The following LIMK1 variants were observed in gnomAD, a reference collection of about 807,000 sequenced individuals.
LIMK1 encodes the protein LIM domain kinase 1.
LIMK1 carries 21 observed loss-of-function variants against 77.6 expected under a neutral mutation model. The ratio of observed to expected loss-of-function variants is 0.27; its 90% CI spans 0.19 to 0.39. The LOEUF (loss-of-function observed/expected upper bound fraction) is 0.39. Ranked by LOEUF, LIMK1 falls within the 10% of genes least tolerant of loss-of-function variation. The probability of loss-of-function intolerance (pLI) is 1.00; values close to 1 mark genes in which losing one functional copy is unlikely to be tolerated. For missense variants in LIMK1, 696 were observed against 901.6 expected, an observed-to-expected ratio of 0.77 and a Z score of 2.92; for synonymous variants, 358 against 370.0, an observed-to-expected ratio of 0.97 and a Z score of 0.37.
At chr7:74,105,604 G>C (rs1799551215) in intron 5 of LIMK1, among the ~76,000 whole-genome samples, 1 of 152,056 alleles carries the variant, frequency 6.6e-6, no homozygotes, top group Non-Finnish European at 1.5e-5. Flanking sequence ...ATGGTCCATT[G>C]AATGGGAACA....
intron 2 of LIMK1, among the ~76,000 whole-genome samples, chr7:74,090,637 C>T (rs781818789): frequency 7.9e-5 from 12 of 152,284 alleles, no homozygotes; most frequent in Middle Eastern, 3.4e-3. Flanking sequence ...GCATTGGGCC[C>T]GGCCCAGACC....
chr7:74,092,919 G>A (rs2078057874), intron 2 of LIMK1, among the ~76,000 whole-genome samples: 1 of 152,158 alleles, frequency 6.6e-6, no homozygotes, highest in African/African-American at 2.4e-5. Context: ...GCCGTTGCCA[G>A]GGCCGAGGCT....
chr7:74,106,253 C>G lies in LIMK1; in HGVS notation c.881+10C>G. On this transcript the variant is annotated intron_variant, in intron 7 of 15. Transcript: ENST00000336180. ...GGCAGAAACCTGTCTTGTAAGTCAG[C>G]CTGCTCCTCGGTTCAGCTGGGTGCT... 3.7e-6 allele frequency: 6 copies of G among 1,602,710 alleles called. No individual in the cohort carries two copies. Among genetic ancestry groups the G allele is most frequent in the Non-Finnish European group, 5.1e-6 (6 of 1,175,402 alleles).
At chr7:74,093,142 C>T (rs2115641870) in intron 2 of LIMK1, 1 of 1,475,582 alleles carries the variant, frequency 6.8e-7, no homozygotes. Context: ...CTGGCCCCAC[C>T]CTCTGCAGCC....
chr7:74,097,084 C>G lies in LIMK1; in HGVS notation c.296C>G (p.Ala99Gly). 6.2e-7 allele frequency: 1 copy of G among 1,610,838 alleles called. No individual in the cohort carries two copies. The highest frequency in any genetic ancestry group is 8.5e-7 in the Non-Finnish European group (1 of 1,177,952). The change falls in exon 4 of 16, where the codon GCT (alanine) becomes GGT (glycine). Residue 99 changes from alanine to glycine, a missense_variant. Physicochemically the swap from Ala to Gly is moderately conservative, Grantham distance 60. This residue lies in a region of LIMK1 where 252 missense variants were observed against 279.4 expected (regional missense o/e 0.90). Transcript: ENST00000336180. The part of the protein sequence containing the change: ...EQITKGLVMV[A>G]GELKYHPECF... Reference sequence around the variant, plus strand: ...CCCTCCTCACCCCCGCACCAGGTGGCTGGGGAGCTGAAGTACCACCCCGAG... The same window carrying G: ...CCCTCCTCACCCCCGCACCAGGTGGGTGGGGAGCTGAAGTACCACCCCGAG...
intron 5 of LIMK1, among the ~76,000 whole-genome samples, chr7:74,099,785 C>T (rs1799418934): frequency 6.6e-6 from 1 of 151,816 alleles, no homozygotes. Flanking sequence ...TTTCTTTAGT[C>T]CATGTCTGAT....
At chr7:74,085,695 G>A in intron 1 of LIMK1, 53 bp from the exon 2 acceptor site, 3 of 1,436,636 alleles carry the variant, frequency 2.1e-6, no homozygotes, top group Non-Finnish European at 1.9e-6. Context: ...AGCTGGGCCT[G>A]CACCAGATCA....
At chr7:74,109,114 T>A in intron 10 of LIMK1, 78 bp downstream of exon 10, 1 of 1,159,834 alleles carries the variant, frequency 8.6e-7, no homozygotes, top group Non-Finnish European at 1.3e-6. Context: ...CTCAGTCTCA[T>A]CTCTTCAATG....
intron 2 of LIMK1, among the ~76,000 whole-genome samples, chr7:74,090,685 C>A (rs1300177828): frequency 6.6e-6 from 1 of 152,220 alleles, no homozygotes; most frequent in African/African-American, 2.4e-5. Context: ...CAGGGCCCCT[C>A]ACCCCTCTGA....
rs192261123 is a variant in LIMK1, at chr7:74,112,182, G to A, written c.1410+184G>A. 2.6e-5 allele frequency among the ~76,000 whole-genome samples: 4 copies of A among 152,248 alleles called. No homozygotes were observed. In the East Asian group the frequency reaches 7.7e-4, roughly 29 times the overall value. ...CAGGGTCAGGAGGCAGACAGACCTG[G>A]GTTTGAGTCCTGTCTCTGCCACTGA... On this transcript the variant is annotated intron_variant, in intron 12 of 15. Coordinates refer to ENST00000336180, the MANE Select transcript of LIMK1 (RefSeq NM_002314.4).
rs112197511 is a variant in LIMK1 at position 74,107,912 on chromosome 7, G to A, written c.1107G>A (p.Glu369=). Residue 369 remains glutamate (E), a synonymous_variant, in exon 9 of 16, where the codon GAG becomes GAA. Coordinates refer to ENST00000336180, the MANE Select transcript of LIMK1 (RefSeq NM_002314.4). ...CAGGTGAGGTGATGGTGATGAAGGAGCTGATCCGGTTCGACGAGGAGACCC... is the reference window on the plus strand; with the variant it reads ...CAGGTGAGGTGATGGTGATGAAGGAACTGATCCGGTTCGACGAGGAGACCC... ...RETGEVMVMK[E]LIRFDEETQR... is the part of the protein sequence containing the mutation. The A allele has an allele frequency of 6.3e-6, 10 of 1,578,598 alleles. No individual in the cohort carries two copies. The highest frequency in any genetic ancestry group is 2.7e-5 in the African/African-American group (2 of 74,454).
At chr7:74,089,832 G>A (rs1463856639) in intron 2 of LIMK1, among the ~76,000 whole-genome samples, 1 of 152,054 alleles carries the variant, frequency 6.6e-6, no homozygotes, top group Non-Finnish European at 1.5e-5. Flanking sequence ...TTTGTGATAG[G>A]GCCAAGACGA....
chr7:74,106,783 A>G (rs13236108), intron 7 of LIMK1, among the ~76,000 whole-genome samples: 18,748 of 152,186 alleles, frequency 0.12, 1,204 homozygotes, highest in South Asian at 0.23. Flanking sequence ...ATGACAGAGC[A>G]GGATCTGAGG....
intron 12 of LIMK1, among the ~76,000 whole-genome samples, chr7:74,114,636 C>T (rs980190082): frequency 3.3e-5 from 5 of 151,490 alleles, no homozygotes; most frequent in Non-Finnish European, 7.4e-5. Context: ...TAAAATTAGG[C>T]CAGGCACGGT....
intron 13 of LIMK1, among the ~76,000 whole-genome samples, chr7:74,119,468 T>C (rs1554700197): frequency 1.3e-4 from 19 of 149,084 alleles, no homozygotes; most frequent in South Asian, 2.2e-4. Flanking sequence ...TGTGAACCAC[T>C]GTGCCCGGCC....
intron 4 of LIMK1, among the ~76,000 whole-genome samples, chr7:74,098,540 A>G (rs1192680439): frequency 3.9e-5 from 6 of 152,160 alleles, no homozygotes; most frequent in Non-Finnish European, 8.8e-5. Flanking sequence ...CCAGTTCCAT[A>G]GGAAGAGTGA....
At chr7:74,110,960 G>C (rs1383701488) in intron 10 of LIMK1, 2 of 152,364 alleles carry the variant, frequency 1.3e-5, no homozygotes, top group Non-Finnish European at 2.9e-5. Context: ...TAGGGGCCGG[G>C]TGCGGTGGCT....
At chr7:74,117,716 G>A (rs782557205) in intron 13 of LIMK1, among the ~76,000 whole-genome samples, 5 of 152,188 alleles carry the variant, frequency 3.3e-5, no homozygotes, top group South Asian at 2.1e-4. Flanking sequence ...AAGCCAAAGC[G>A]GGAGATTTAC....
intron 9 of LIMK1, among the ~76,000 whole-genome samples, chr7:74,108,383 G>A (rs1799625938): frequency 6.6e-6 from 1 of 152,028 alleles, no homozygotes; most frequent in African/African-American, 2.4e-5. Context: ...AGTGGCTCAC[G>A]CCTGTAATCC....
Sources: allele counts gnomAD v4.1 joint callset (sites outside exome capture counted in the v4.1 genomes callset), GRCh38; gene constraint gnomAD v4.1.1; regional missense constraint gnomAD v4.1.1; transcripts MANE v1.5; gene names NCBI Gene and HGNC (gene_info 2026-07-23, HGNC 2026-07-21).